TPSD1: variants seen among roughly 807,000 people sequenced by gnomAD.
TPSD1 encodes the protein tryptase delta 1, also known as tryptase delta.
A neutral mutation model predicts 25.4 loss-of-function variants in TPSD1; 30 were observed. The ratio of observed to expected loss-of-function variants is 1.18; its 90% confidence interval spans 0.88 to 1.60. The LOEUF (loss-of-function observed/expected upper bound fraction) is 1.60. Among genes scored for constraint, TPSD1 ranks in the 40% most tolerant of loss-of-function variants. The pLI is 0.00. For missense variants in TPSD1, 420 were observed against 324.2 expected (o/e 1.30, Z -2.27); for synonymous variants, 176 against 149.4 (o/e 1.18, Z -1.30).
chr16:1,256,994 CT>C lies in TPSD1; in HGVS notation c.453del (p.Ala152ProfsTer31), dbSNP rs1567578012. ...CACATCCACACGGTCACGCTGCCCCCTGCCTCGGAGACCTTCCCCCCGGGGA... is the reference window on the plus strand; with the variant it reads ...CACATCCACACGGTCACGCTGCCCCCGCCTCGGAGACCTTCCCCCCGGGGA... ...SSHIHTVTLP[P>X]ASETFPPGMP... is the part of the protein sequence containing the mutation. On this transcript the variant is annotated frameshift_variant, in exon 3 of 5. Transcript: ENST00000211076. LOFTEE classifies it high-confidence loss of function. 1 of 1,613,656 alleles carries C rather than the reference CT, an allele frequency of 6.2e-7. No individual in the cohort carries two copies. The highest frequency in any genetic ancestry group is 1.1e-5 in the South Asian group (1 of 90,978).
chr16:1,256,298 C>G lies in TPSD1; in HGVS notation c.18C>G (p.Pro6=), dbSNP rs753175069. The change falls in exon 1 of 5, where the codon CCC becomes CCG. Residue 6 remains proline (P), a synonymous_variant. Transcript: ENST00000211076. ...GGCCCACGATGCTCCTCCTTGCTCC[C>G]CAGATGCTGAGCCTGCTGCTGCTGG... is the stretch of plus-strand genomic sequence containing the variant. MLLLA[P]QMLSLLLLAL... is the part of the protein sequence containing the mutation. 1.9e-6 allele frequency: 3 copies of G among 1,613,676 alleles called. No individual in the cohort carries two copies. Among genetic ancestry groups the G allele is most frequent in the South Asian group, 2.2e-5 (2 of 91,076 alleles).
At chr16:1,257,683 G>A (rs970947270) in intron 3 of TPSD1, among the ~76,000 whole-genome samples, 2 of 149,472 alleles carry the variant, frequency 1.3e-5, no homozygotes, top group Non-Finnish European at 2.9e-5. Context: ...ACACAGCGGG[G>A]AAGCTGAGCC....
In TPSD1 at chr16:1,256,586, G is replaced by GC. The variant is rs2030973280; in HGVS notation, c.154dup (p.Gln52ProfsTer122). Reference sequence around the variant, plus strand: ...AGGCCCCCAGGAGCAAGTGGCCCTGGCAGGTGAGCCTGAGAGTCCGCGGCC... The same window carrying GC: ...AGGCCCCCAGGAGCAAGTGGCCCTGGCCAGGTGAGCCTGAGAGTCCGCGGCC... On this transcript the variant is annotated frameshift_variant, in exon 2 of 5. Coordinates refer to ENST00000211076, the MANE Select transcript of TPSD1 (RefSeq NM_012217.3). LOFTEE classifies it high-confidence loss of function. 1 of 1,612,572 alleles carries GC rather than the reference G, an allele frequency of 6.2e-7. No homozygotes were observed. The highest frequency in any genetic ancestry group is 8.5e-7 in the Non-Finnish European group (1 of 1,179,764).
Position 1,256,195 on chromosome 16 carries a change from A to G in TPSD1, c.-86A>G. 1 of 1,593,586 alleles carries G rather than the reference A, an allele frequency of 6.3e-7. No individual in the cohort carries two copies. Among genetic ancestry groups the G allele is most frequent in the Non-Finnish European group, 8.6e-7 (1 of 1,168,908 alleles). ...GACCCAGGCCCGCAGGCCTGGACCC[A>G]CCCCGGTCCCCCCGTCCCAGCTCCA... On this transcript the variant is annotated 5_prime_UTR_variant, in exon 1 of 5. Coordinates refer to ENST00000211076, the MANE Select transcript of TPSD1 (RefSeq NM_012217.3).
At position 1,256,955 on chromosome 16, in the gene TPSD1, T is replaced by C. The variant is rs1413345555; in HGVS notation, c.413T>C (p.Val138Ala). ...DIALLELEEP[V>A]NISSHIHTVT... The stretch of plus-strand genomic sequence containing the variant: ...GCCCTGCTGGAGCTGGAGGAGCCCG[T>C]GAACATCTCCAGCCACATCCACACG... Residue 138 changes from valine to alanine, a missense_variant, in exon 3 of 5, where the codon GTG (valine) becomes GCG (alanine). Coordinates refer to ENST00000211076, the MANE Select transcript of TPSD1 (RefSeq NM_012217.3). 3.1e-6 allele frequency: 5 copies of C among 1,613,700 alleles called. No homozygotes were observed. Among genetic ancestry groups the C allele is most frequent in the Non-Finnish European group, 4.2e-6 (5 of 1,179,988 alleles).
rs2030953625 is a variant in TPSD1 at position 1,256,110 on chromosome 16, A to G, written c.-171A>G. The G allele has an allele frequency of 2.7e-6, 3 of 1,127,820 alleles. No individual in the cohort carries two copies. Among genetic ancestry groups the G allele is most frequent in the Admixed American group, 4.4e-5 (2 of 45,516 alleles). 69.9% of individuals were successfully genotyped at this position (1,127,820 alleles called of 1,614,324 possible). A position where few individuals can be genotyped will look rare whatever the true frequency, so the allele number is the denominator to read the frequency against. On this transcript the variant is annotated 5_prime_UTR_variant, in exon 1 of 5. Coordinates refer to ENST00000211076, the MANE Select transcript of TPSD1 (RefSeq NM_012217.3). ...GGCCAGGGTAAGTCCCTACTCTCAG[A>G]GACCCTGACATCAGCGTCACCTGGA...
At position 1,258,622 on chromosome 16, in the gene TPSD1, C is replaced by A; in HGVS notation, c.*246C>A. ...CCCCATCCTGAGTCCCCTCTCCCAT[C>A]CTGAGCCCTGTCCCCTGTCCTGAGC... On this transcript the variant is annotated 3_prime_UTR_variant, in exon 5 of 5. Transcript: ENST00000211076. The A allele has an allele frequency of 9.2e-7, 1 of 1,083,674 alleles. No homozygotes were observed. The highest frequency in any genetic ancestry group is 1.5e-5 in the South Asian group (1 of 65,248). 67.1% of individuals were successfully genotyped at this position (1,083,674 alleles called of 1,614,324 possible).
At position 1,256,152 on chromosome 16, in the gene TPSD1, T is replaced by G; in HGVS notation, c.-129T>G. 1 of 1,421,350 alleles carries G rather than the reference T, an allele frequency of 7.0e-7. No individual in the cohort carries two copies. The highest frequency in any genetic ancestry group is 9.7e-7 in the Non-Finnish European group (1 of 1,032,804). 88.0% of individuals were successfully genotyped at this position (1,421,350 alleles called of 1,614,324 possible). On this transcript the variant is annotated 5_prime_UTR_variant, in exon 1 of 5. Transcript: ENST00000211076. Reference sequence around the variant, plus strand: ...TCACCTGGAGCAGAGTGGCCCAGCCTCAGACTCAGAGCACCAAGACCCAGG... The same window carrying G: ...TCACCTGGAGCAGAGTGGCCCAGCCGCAGACTCAGAGCACCAAGACCCAGG...
chr16:1,256,992 C>G lies in TPSD1; in HGVS notation c.450C>G (p.Pro150=). Residue 150 remains proline, a synonymous_variant, in exon 3 of 5, where the codon CCC becomes CCG. Coordinates refer to ENST00000211076, the MANE Select transcript of TPSD1 (RefSeq NM_012217.3). The stretch of plus-strand genomic sequence containing the variant: ...GCCACATCCACACGGTCACGCTGCC[C>G]CCTGCCTCGGAGACCTTCCCCCCGG... The part of the protein sequence containing the change: ...ISSHIHTVTL[P]PASETFPPGM... The G allele has an allele frequency of 3.1e-6, 5 of 1,613,668 alleles. No homozygotes were observed. The highest frequency in any genetic ancestry group is 4.2e-6 in the Non-Finnish European group (5 of 1,179,902).
At chr16:1,256,749 G>A in intron 2 of TPSD1, 48 bp from the exon 3 acceptor site, 5 of 1,611,938 alleles carry the variant, frequency 3.1e-6, no homozygotes, top group Non-Finnish European at 4.2e-6. Flanking sequence ...GCTCCCGGGT[G>A]CTCCTGGGGG....
Position 1,258,388 on chromosome 16 carries a change from C to A in TPSD1, c.*12C>A. The A allele has an allele frequency of 6.2e-7, 1 of 1,611,352 alleles. No individual in the cohort carries two copies. The highest frequency in any genetic ancestry group is 1.4e-5 in the African/African-American group (1 of 72,766). On this transcript the variant is annotated 3_prime_UTR_variant, in exon 5 of 5. Transcript: ENST00000211076. ...TGAATGGCACCTAACTGCAGGCGGG[C>A]GTGGTCAGCTGGGAGGAGAGCTGTG...
In TPSD1 at chr16:1,256,941, G is replaced by A; in HGVS notation, c.399G>A (p.Glu133=). The part of the protein sequence containing the change: ...IQTGADIALL[E]LEEPVNISSH... ...CCGGGGCGGACATCGCCCTGCTGGAGCTGGAGGAGCCCGTGAACATCTCCA... is the reference window on the plus strand; with the variant it reads ...CCGGGGCGGACATCGCCCTGCTGGAACTGGAGGAGCCCGTGAACATCTCCA... Residue 133 remains glutamate, a synonymous_variant, in exon 3 of 5, where the codon GAG becomes GAA. Coordinates refer to ENST00000211076, the MANE Select transcript of TPSD1 (RefSeq NM_012217.3). The A allele has an allele frequency of 6.2e-7, 1 of 1,613,950 alleles. No individual in the cohort carries two copies.
At chr16:1,257,152 C>T (rs116664309) in intron 3 of TPSD1, 90 bp downstream of exon 3, 29 of 1,475,672 alleles carry the variant, frequency 2.0e-5, no homozygotes, top group East Asian at 4.9e-5. Flanking sequence ...TCCCTCAGGG[C>T]GGCTCAGGGA....
At chr16:1,257,210 C>T in intron 3 of TPSD1, 148 bp downstream of exon 3, 1 of 1,154,186 alleles carries the variant, frequency 8.7e-7, no homozygotes, top group Non-Finnish European at 1.2e-6. Context: ...TGGCGAGAGG[C>T]AGCAGGTGCC....
Position 1,256,921 on chromosome 16 carries a change from G to C in TPSD1, c.379G>C (p.Ala127Pro). ...ACAGTTCTACATCATCCAGACCGGG[G>C]CGGACATCGCCCTGCTGGAGCTGGA... ...HPQFYIIQTG[A>P]DIALLELEEP... is the part of the protein sequence containing the mutation. Residue 127 changes from alanine (A) to proline (P), a missense_variant, in exon 3 of 5, where the codon GCG becomes CCG. Transcript: ENST00000211076. 1 of 1,613,966 alleles carries C rather than the reference G, an allele frequency of 6.2e-7. No individual in the cohort carries two copies. The highest frequency in any genetic ancestry group is 8.5e-7 in the Non-Finnish European group (1 of 1,180,022).
chr16:1,258,636 CCT>C lies in TPSD1; in HGVS notation c.*261_*262del, dbSNP rs1386131898. 16 of 921,996 alleles carry C rather than the reference CCT, an allele frequency of 1.7e-5. No homozygotes were observed. Among genetic ancestry groups the C allele is most frequent in the East Asian group, 2.7e-5 (1 of 37,628 alleles). 57.1% of individuals were successfully genotyped at this position (921,996 alleles called of 1,614,324 possible). A position where few individuals can be genotyped will look rare whatever the true frequency, so the allele number is the denominator to read the frequency against. On this transcript the variant is annotated 3_prime_UTR_variant, in exon 5 of 5. Transcript: ENST00000211076. ...CCCTCTCCCATCCTGAGCCCTGTCC[CCT>C]GTCCTGAGCCCCCTCCCCTTTCTTG...
chr16:1,258,389 G>A lies in TPSD1; in HGVS notation c.*13G>A, dbSNP rs577503840. The A allele has an allele frequency of 5.6e-5, 91 of 1,611,502 alleles. No homozygotes were observed. In the East Asian group the frequency reaches 1.6e-3, roughly 28 times the overall value. On this transcript the variant is annotated 3_prime_UTR_variant, in exon 5 of 5. Transcript: ENST00000211076. ...GAATGGCACCTAACTGCAGGCGGGC[G>A]TGGTCAGCTGGGAGGAGAGCTGTGC... is the stretch of plus-strand genomic sequence containing the variant.
At position 1,258,089 on chromosome 16, in the gene TPSD1, A is replaced by T. The variant is rs755260386; in HGVS notation, c.551A>T (p.Glu184Val). The T allele has an allele frequency of 6.9e-6, 11 of 1,598,224 alleles. No homozygotes were observed. The highest frequency in any genetic ancestry group is 5.4e-5 in the African/African-American group (4 of 74,678). Reference protein sequence around the residue: ...VHLPPPYPLKEVEVPVVENHL... With the variant: ...VHLPPPYPLKVVEVPVVENHL... Reference sequence around the variant, plus strand: ...CTGCCGCCGCCATACCCGCTGAAGGAGGTGGAAGTCCCCGTAGTGGAAAAC... The same window carrying T: ...CTGCCGCCGCCATACCCGCTGAAGGTGGTGGAAGTCCCCGTAGTGGAAAAC... The change falls in exon 4 of 5, where the codon GAG becomes GTG. Residue 184 changes from glutamate (E) to valine (V), a missense_variant. Glu to Val is a moderately radical substitution (Grantham distance 121). Coordinates refer to ENST00000211076, the MANE Select transcript of TPSD1 (RefSeq NM_012217.3).
At position 1,258,233 on chromosome 16, in the gene TPSD1, G is replaced by C; in HGVS notation, c.684+11G>C. 6.2e-7 allele frequency: 1 copy of C among 1,608,816 alleles called. No individual in the cohort carries two copies. Among genetic ancestry groups the C allele is most frequent in the Non-Finnish European group, 8.5e-7 (1 of 1,179,740 alleles). On this transcript the variant is annotated intron_variant, in intron 4 of 4. Coordinates refer to ENST00000211076, the MANE Select transcript of TPSD1 (RefSeq NM_012217.3). The stretch of plus-strand genomic sequence containing the variant: ...CACGACTCCTGCCAGGTGGGCCCTC[G>C]CGTCCCCCACCCCAATCCCCGGAGC...
Sources: gnomAD v4.1 joint callset for allele counts (sites outside exome capture counted in the v4.1 genomes callset) on GRCh38, gnomAD v4.1.1 for gene constraint, MANE v1.5 for transcripts, NCBI Gene and HGNC (gene_info 2026-07-23, HGNC 2026-07-21) for gene names.